The following GPR39 variants were observed in gnomAD, a reference collection of about 807,000 sequenced individuals.
GPR39 encodes the protein G protein-coupled receptor 39, also known as zinc sensing receptor.
A neutral mutation model predicts 18.4 loss-of-function variants in GPR39; 23 were observed. That is an observed-to-expected ratio of 1.25 (90% confidence interval 0.90 to 1.77). The LOEUF is 1.77. GPR39 is among the 40% of genes most tolerant of loss of function. The probability of loss-of-function intolerance (pLI) is 0.00; values close to 1 mark genes in which losing one functional copy is unlikely to be tolerated. For synonymous variants in GPR39, 280 were observed against 257.9 expected, an observed-to-expected ratio of 1.09 and a Z score of -0.82; for missense variants, 647 against 602.4, an observed-to-expected ratio of 1.07 and a Z score of -0.78.
chr2:132,635,956 C>T (rs772347717), intron 1 of GPR39, among the ~76,000 whole-genome samples: 6 of 152,154 alleles, frequency 3.9e-5, no homozygotes, highest in South Asian at 2.1e-4. Context: ...AGCACCAAAT[C>T]GGCTGGCACG....
At chr2:132,469,938 TCA>T (rs1239939730) in intron 1 of GPR39, among the ~76,000 whole-genome samples, 2 of 152,252 alleles carry the variant, frequency 1.3e-5, no homozygotes, top group East Asian at 3.9e-4. Context: ...TTGCCCACTC[TCA>T]GAGGAGTTGG....
At chr2:132,527,452 A>G (rs966365072) in intron 1 of GPR39, among the ~76,000 whole-genome samples, 1 of 152,228 alleles carries the variant, frequency 6.6e-6, no homozygotes, top group Non-Finnish European at 1.5e-5. Flanking sequence ...TTGGGTATAT[A>G]CCCAGTAATG....
intron 1 of GPR39, among the ~76,000 whole-genome samples, chr2:132,585,895 G>C (rs1474491283): frequency 6.7e-6 from 1 of 149,536 alleles, no homozygotes; most frequent in Non-Finnish European, 1.5e-5. Flanking sequence ...GTACCCGAGG[G>C]GGCCAAAGAG....
At chr2:132,575,613 G>A (rs575790725) in intron 1 of GPR39, among the ~76,000 whole-genome samples, 6 of 152,296 alleles carry the variant, frequency 3.9e-5, no homozygotes, top group African/African-American at 1.4e-4. Flanking sequence ...TCAGCATCTG[G>A]TGTTGTCACT....
intron 1 of GPR39, among the ~76,000 whole-genome samples, chr2:132,622,059 C>T (rs1242985721): frequency 1.3e-5 from 2 of 152,092 alleles, no homozygotes; most frequent in Non-Finnish European, 2.9e-5. Context: ...GTCCCCTGGG[C>T]TGGGGAGAGA....
intron 1 of GPR39, among the ~76,000 whole-genome samples, chr2:132,537,690 T>C (rs1023027934): frequency 3.9e-5 from 6 of 152,208 alleles, no homozygotes; most frequent in East Asian, 3.9e-4. Context: ...CAATCAATCG[T>C]AGGTTCAGTC....
intron 1 of GPR39, among the ~76,000 whole-genome samples, chr2:132,594,880 G>A (rs1269695329): frequency 1.3e-5 from 2 of 152,150 alleles, no homozygotes; most frequent in Non-Finnish European, 2.9e-5. Context: ...ATCTCATAGG[G>A]TTGATCTGAG....
chr2:132,428,190 A>C (rs1680163293), intron 1 of GPR39, among the ~76,000 whole-genome samples: 2 of 152,060 alleles, frequency 1.3e-5, no homozygotes, highest in African/African-American at 4.8e-5. Flanking sequence ...GACTTCCTCC[A>C]AGAAGCCTGC....
chr2:132,603,117 A>G (rs1681075244), intron 1 of GPR39, among the ~76,000 whole-genome samples: 1 of 152,202 alleles, frequency 6.6e-6, no homozygotes, highest in Non-Finnish European at 1.5e-5. Flanking sequence ...CACAATAGCC[A>G]AGATATAGAA....
chr2:132,429,813 A>G (rs1271742213), intron 1 of GPR39, among the ~76,000 whole-genome samples: 2 of 152,230 alleles, frequency 1.3e-5, no homozygotes, highest in African/African-American at 2.4e-5. Flanking sequence ...TCATTTCTGG[A>G]TGAAACTGGA....
At chr2:132,463,450 A>G (rs1208735710) in intron 1 of GPR39, among the ~76,000 whole-genome samples, 2 of 141,506 alleles carry the variant, frequency 1.4e-5, no homozygotes, top group East Asian at 4.3e-4. Context: ...GGTCTTCTTT[A>G]AGGCTCTTCC....
At chr2:132,576,885 T>G (rs1289096532) in intron 1 of GPR39, among the ~76,000 whole-genome samples, 1 of 152,218 alleles carries the variant, frequency 6.6e-6, no homozygotes, top group African/African-American at 2.4e-5. Flanking sequence ...TTTTCTCCAC[T>G]TAATTGTTTG....
Position 132,540,327 on chromosome 2 carries a change from A to G in GPR39, c.857-104774A>G, listed in dbSNP as rs918611993. 2.6e-5 allele frequency among the ~76,000 whole-genome samples: 4 copies of G among 152,144 alleles called. No individual in the cohort carries two copies. The East Asian group carries it at 5.8e-4, about 22-fold the overall frequency. The stretch of plus-strand genomic sequence containing the variant: ...ATGAGCCCCAGGGTTCTGCTGCAGC[A>G]TCAGGGGAGGGGAGGAGAGGAGGCA... On this transcript the variant is annotated intron_variant, in intron 1 of 1. Transcript: ENST00000329321.
At chr2:132,492,722 A>ATATATAATATATATACACACCATGTG (rs1681511519) in intron 1 of GPR39, among the ~76,000 whole-genome samples, 1 of 142,478 alleles carries the variant, frequency 7.0e-6, no homozygotes, top group Non-Finnish European at 1.5e-5. Flanking sequence ...CACACCATAT[A>ATATATAATATATATACACACCATGTG]TATACCATAT....
rs1275017603 is a variant in GPR39, at chr2:132,583,640, A to C, written c.857-61461A>C. ...GTTCCTTTTATGATGCTTGTGAACT[A>C]TATGGGTTGAGATTGAAGAGGGGCA... On this transcript the variant is annotated intron_variant, in intron 1 of 1. Coordinates refer to ENST00000329321, the MANE Select transcript of GPR39 (RefSeq NM_001508.3). Among the ~76,000 whole-genome samples, 4 of 151,876 alleles carry C rather than the reference A, an allele frequency of 2.6e-5. No homozygotes were observed. The East Asian group carries it at 7.7e-4, about 29-fold the overall frequency.
chr2:132,546,659 A>G (rs1377801480), intron 1 of GPR39, among the ~76,000 whole-genome samples: 1 of 151,576 alleles, frequency 6.6e-6, no homozygotes, highest in African/African-American at 2.4e-5. Flanking sequence ...TGATTATGCC[A>G]CATTCTAGGA....
At chr2:132,493,201 ATACACCATATATG>A (rs1423693290) in intron 1 of GPR39, among the ~76,000 whole-genome samples, 7 of 141,860 alleles carry the variant, frequency 4.9e-5, no homozygotes, top group Non-Finnish European at 7.5e-5. Context: ...TACACCATAT[ATACACCATATATG>A]TACACCATAT....
At chr2:132,530,593 C>T (rs1283545256) in intron 1 of GPR39, among the ~76,000 whole-genome samples, 3 of 152,156 alleles carry the variant, frequency 2.0e-5, no homozygotes, top group Non-Finnish European at 4.4e-5. Flanking sequence ...ATGTTAAGGG[C>T]AGCCAGAGAG....
chr2:132,572,634 C>T (rs189046867), intron 1 of GPR39, among the ~76,000 whole-genome samples: 33 of 152,184 alleles, frequency 2.2e-4, no homozygotes, highest in African/African-American at 7.2e-4. Context: ...TCACATATGG[C>T]TGAATCCAGG....
Sources: allele counts gnomAD v4.1 joint callset (sites outside exome capture counted in the v4.1 genomes callset), GRCh38; gene constraint gnomAD v4.1.1; transcripts MANE v1.5; gene names NCBI Gene and HGNC (gene_info 2026-07-23, HGNC 2026-07-21).